Variants in TCP11L1 observed in about 807,000 individuals in gnomAD.
The protein encoded by TCP11L1 is t-complex 11 like 1, also known as T-complex protein 11-like protein 1.
Under a neutral mutation model 48.9 loss-of-function variants are expected in TCP11L1, and 28 were observed. The ratio of observed to expected loss-of-function variants is 0.57; its 90% CI spans 0.42 to 0.78. The LOEUF (loss-of-function observed/expected upper bound fraction) is 0.78, where lower values mean the gene tolerates loss of function less well. Ranked by LOEUF, TCP11L1 falls within the 30% of genes least tolerant of loss-of-function variation. The pLI is 0.00. For synonymous variants in TCP11L1, 204 were observed against 231.9 expected (o/e 0.88, Z 1.09); for missense variants, 505 against 613.4 (o/e 0.82, Z 1.87).
intron 6 of TCP11L1, among the ~76,000 whole-genome samples, chr11:33,060,079 A>G (rs1279432142): frequency 6.6e-6 from 1 of 152,064 alleles, no homozygotes; most frequent in East Asian, 1.9e-4. Context: ...CAGTGTTGTG[A>G]GAGTACTGGG....
At chr11:33,045,454 T>C (rs1396928247) in intron 2 of TCP11L1, among the ~76,000 whole-genome samples, 2 of 151,854 alleles carry the variant, frequency 1.3e-5, no homozygotes. Flanking sequence ...AAGTCAAGGC[T>C]GCAGTGAGCC....
intron 7 of TCP11L1, among the ~76,000 whole-genome samples, chr11:33,064,078 G>A (rs898871803): frequency 6.6e-6 from 1 of 152,038 alleles, no homozygotes; most frequent in Non-Finnish European, 1.5e-5. Context: ...TATGGAGAGG[G>A]GGATGTGAGA....
chr11:33,060,605 G>C (rs368372154), intron 6 of TCP11L1, among the ~76,000 whole-genome samples: 7 of 152,282 alleles, frequency 4.6e-5, no homozygotes, highest in East Asian at 3.9e-4. Flanking sequence ...CTCTCTCTCT[G>C]TATCCCTCAG....
Position 33,043,755 on chromosome 11 carries a change from T to G in TCP11L1, c.-19T>G, listed in dbSNP as rs1239305729. 1 of 1,578,938 alleles carries G rather than the reference T, an allele frequency of 6.3e-7. No individual in the cohort carries two copies. The highest frequency in any genetic ancestry group is 1.4e-5 in the African/African-American group (1 of 72,556). ...TTTGTTTTTTTCTTTCCTAGGAAAG[T>G]GAATAAACTTAATTGAGAATGTCTG... On this transcript the variant is annotated 5_prime_UTR_variant, in exon 2 of 10. It removes the in-frame stop codon of an upstream open reading frame in the 5' UTR. Coordinates refer to ENST00000334274, the MANE Select transcript of TCP11L1 (RefSeq NM_018393.4).
intron 6 of TCP11L1, among the ~76,000 whole-genome samples, chr11:33,059,938 A>G (rs997470566): frequency 1.3e-5 from 2 of 152,292 alleles, no homozygotes; most frequent in Admixed American, 6.5e-5. Flanking sequence ...GATGTACATG[A>G]TCATATGTAA....
rs764368651 is a variant in TCP11L1 at position 33,057,214 on chromosome 11, A to C, written c.396A>C (p.Lys132Asn). The C allele has an allele frequency of 6.2e-7, 1 of 1,614,086 alleles. No individual in the cohort carries two copies. Among genetic ancestry groups the C allele is most frequent in the South Asian group, 1.1e-5 (1 of 91,080 alleles). ...EDPPAYDHAI[K>N]LVGEIKETLL... ...CCCCAGCATATGACCATGCTATCAA[A>C]CTTGTAGGAGAAATCAAAGAGGTGA... Residue 132 changes from lysine (K) to asparagine (N), a missense_variant, in exon 4 of 10, where the codon AAA becomes AAC. Lys to Asn is a moderately conservative substitution (Grantham distance 94). This residue lies in a region of TCP11L1 where 168 missense variants were observed against 183.5 expected (regional missense o/e 0.92). Transcript: ENST00000334274.
chr11:33,040,003 C>T (rs1853781472), intron 1 of TCP11L1: 1 of 152,344 alleles, frequency 6.6e-6, no homozygotes, highest in South Asian at 2.1e-4. Flanking sequence ...CCGGCCCTGC[C>T]ACTCCCTCGC....
intron 9 of TCP11L1, among the ~76,000 whole-genome samples, chr11:33,071,000 C>T (rs1304596058): frequency 1.4e-5 from 2 of 145,294 alleles, no homozygotes; most frequent in Non-Finnish European, 3.0e-5. Flanking sequence ...AACTCCATCT[C>T]AAAAAAGAAA....
chr11:33,065,748 G>C, intron 7 of TCP11L1, 82 bp from the exon 8 acceptor site: 4 of 1,475,586 alleles, frequency 2.7e-6, no homozygotes, highest in Admixed American at 1.9e-5. Context: ...TGCAGAGGCA[G>C]GTGTGGGGGC....
At chr11:33,044,506 T>C (rs1291185830) in intron 2 of TCP11L1, among the ~76,000 whole-genome samples, 2 of 152,164 alleles carry the variant, frequency 1.3e-5, no homozygotes, top group Non-Finnish European at 2.9e-5. Flanking sequence ...TTATGAAGAG[T>C]ACCTTAAGCA....
At chr11:33,051,740 C>T (rs950541322) in intron 2 of TCP11L1, among the ~76,000 whole-genome samples, 2 of 152,082 alleles carry the variant, frequency 1.3e-5, no homozygotes, top group African/African-American at 4.8e-5. Context: ...GCCACCGTGC[C>T]CGGCCTATCC....
chr11:33,058,735 A>G (rs191926399), intron 5 of TCP11L1, among the ~76,000 whole-genome samples: 16 of 152,218 alleles, frequency 1.1e-4, no homozygotes, highest in African/African-American at 7.2e-5. Flanking sequence ...AAACAGTACA[A>G]TCAACACTCA....
intron 1 of TCP11L1, among the ~76,000 whole-genome samples, chr11:33,042,440 C>T (rs2024968): frequency 0.14 from 20,764 of 152,098 alleles, 1,711 homozygotes; most frequent in East Asian, 0.29. Context: ...CTTTGGGAGG[C>T]CCAGGCAGAC....
At chr11:33,044,489 A>G (rs971741931) in intron 2 of TCP11L1, among the ~76,000 whole-genome samples, 1 of 152,250 alleles carries the variant, frequency 6.6e-6, no homozygotes, top group African/African-American at 2.4e-5. Context: ...GCCTCAACTC[A>G]CGTCTTTTAT....
rs569676351 is a variant in TCP11L1 at position 33,058,047 on chromosome 11, C to G, written c.546C>G (p.Phe182Leu). ...GALDISKLAEFIIGMMGTLCA... is the reference protein window; with the variant it reads ...GALDISKLAELIIGMMGTLCA... ...TAGACATTTCCAAGCTGGCAGAATT[C>G]ATTATTGGCATGATGGGGACACTGT... Residue 182 changes from phenylalanine to leucine, a missense_variant, in exon 5 of 10, where the codon TTC becomes TTG. Phe to Leu is a conservative substitution (Grantham distance 22). Coordinates refer to ENST00000334274, the MANE Select transcript of TCP11L1 (RefSeq NM_018393.4). 9.3e-6 allele frequency: 15 copies of G among 1,614,052 alleles called. No homozygotes were observed. The South Asian group carries it at 1.4e-4, about 15-fold the overall frequency.
intron 6 of TCP11L1, 68 bp from the exon 7 acceptor site, chr11:33,061,462 C>G (rs1854463254): frequency 2.8e-6 from 4 of 1,440,598 alleles, no homozygotes; most frequent in Non-Finnish European, 2.8e-6. Flanking sequence ...ATCGATTGTC[C>G]CTTAAGTAAT....
rs779453612 is a variant in TCP11L1 at position 33,072,436 on chromosome 11, G to A, written c.1328-38G>A. ...AGCACAGTAAGGTTTGTAAGGTGAA[G>A]GACAAGAAACAACTGACCACTTTCT... On this transcript the variant is annotated intron_variant, in intron 9 of 9. Coordinates refer to ENST00000334274, the MANE Select transcript of TCP11L1 (RefSeq NM_018393.4). The A allele has an allele frequency of 7.5e-6, 12 of 1,607,840 alleles. No individual in the cohort carries two copies. In the African/African-American group the frequency reaches 1.3e-4, roughly 18 times the overall value.
chr11:33,061,625 G>A lies in TCP11L1; in HGVS notation c.871G>A (p.Ala291Thr), dbSNP rs1204526601. 2 of 1,612,680 alleles carry A rather than the reference G, an allele frequency of 1.2e-6. No homozygotes were observed. The highest frequency in any genetic ancestry group is 1.7e-6 in the Non-Finnish European group (2 of 1,179,494). Residue 291 changes from alanine to threonine, a missense_variant, in exon 7 of 10, where the codon GCT becomes ACT. Around this residue, in one of 3 missense-constraint regions of TCP11L1, gnomAD observed 335 missense variants for 413.3 expected, o/e 0.81. Coordinates refer to ENST00000334274, the MANE Select transcript of TCP11L1 (RefSeq NM_018393.4). Reference protein sequence around the residue: ...KHALPVGGMAAGSGDMPRLSP... With the variant: ...KHALPVGGMATGSGDMPRLSP... ...CGCCCTGCCAGTGGGGGGAATGGCTGCTGGCTCTGGGGACATGCCCAGGCT... is the reference window on the plus strand; with the variant it reads ...CGCCCTGCCAGTGGGGGGAATGGCTACTGGCTCTGGGGACATGCCCAGGCT...
chr11:33,054,806 A>C (rs1305598123), intron 3 of TCP11L1, 81 bp downstream of exon 3: 14 of 1,442,354 alleles, frequency 9.7e-6, no homozygotes, highest in Non-Finnish European at 1.3e-5. Flanking sequence ...AGTTGATACC[A>C]ATATATTCAA....
Sources: allele counts gnomAD v4.1 joint callset (sites outside exome capture counted in the v4.1 genomes callset), GRCh38; gene constraint gnomAD v4.1.1; regional missense constraint gnomAD v4.1.1; transcripts MANE v1.5; gene names NCBI Gene and HGNC (gene_info 2026-07-23, HGNC 2026-07-21).